PPM1B: variants seen among roughly 807,000 people sequenced by gnomAD.
PPM1B encodes protein phosphatase 1B.
Under a neutral mutation model 43.0 loss-of-function variants are expected in PPM1B, and 22 were observed. The observed-to-expected ratio is 0.51, with a 90% confidence interval of 0.37 to 0.73. The LOEUF (loss-of-function observed/expected upper bound fraction) is 0.73, where lower values mean the gene tolerates loss of function less well. Among genes scored for constraint, PPM1B ranks in the 30% least tolerant of loss-of-function variants. The probability of loss-of-function intolerance (pLI) is 0.00; values close to 1 mark genes in which losing one functional copy is unlikely to be tolerated. For synonymous variants in PPM1B, 217 were observed against 197.9 expected, an observed-to-expected ratio of 1.10 and a Z score of -0.81; for missense variants, 632 against 584.2, an observed-to-expected ratio of 1.08 and a Z score of -0.84.
At position 44,170,338 on chromosome 2, in the gene PPM1B, T is replaced by G. The variant is rs542472348; in HGVS notation, c.-15+1064T>G. On this transcript the variant is annotated intron_variant, in intron 1 of 5. Coordinates refer to ENST00000282412, the MANE Select transcript of PPM1B (RefSeq NM_002706.6). ...TTTAAAATAGGCTCCACATGTTTAA[T>G]GTATCAAAATAAAGTTGGCAGGCAT... Among the ~76,000 whole-genome samples, 3 of 152,378 alleles carry G rather than the reference T, an allele frequency of 2.0e-5. No individual in the cohort carries two copies. In the East Asian group the frequency reaches 5.8e-4, roughly 29 times the overall value.
At chr2:44,229,648 G>T (rs559739662) in intron 5 of PPM1B, among the ~76,000 whole-genome samples, 2 of 152,210 alleles carry the variant, frequency 1.3e-5, no homozygotes, top group East Asian at 1.9e-4. Flanking sequence ...GGACATGACT[G>T]TACTTTATAA....
chr2:44,184,481 TA>T (rs1668030350), intron 1 of PPM1B, among the ~76,000 whole-genome samples: 1 of 152,184 alleles, frequency 6.6e-6, no homozygotes, highest in African/African-American at 2.4e-5. Flanking sequence ...AAATTATATT[TA>T]CTCTGTTCTC....
At position 44,216,344 on chromosome 2, in the gene PPM1B, A is replaced by G. The variant is rs552297741; in HGVS notation, c.965-1623A>G. 7.2e-5 allele frequency among the ~76,000 whole-genome samples: 11 copies of G among 152,288 alleles called. No individual in the cohort carries two copies. The South Asian group carries it at 2.3e-3, about 32-fold the overall frequency. Reference sequence around the variant, plus strand: ...GATGCTGCTTAATATTCCACAGCACACAGGACAGCCCCCACAACAAAAAAA... The same window carrying G: ...GATGCTGCTTAATATTCCACAGCACGCAGGACAGCCCCCACAACAAAAAAA... On this transcript the variant is annotated intron_variant, in intron 3 of 5. Transcript: ENST00000282412.
intron 5 of PPM1B, among the ~76,000 whole-genome samples, chr2:44,239,973 C>G (rs1670711954): frequency 8.9e-6 from 1 of 112,550 alleles, no homozygotes; most frequent in Non-Finnish European, 2.1e-5. Flanking sequence ...TGACATCTAG[C>G]AGGTATACAT....
At chr2:44,227,695 T>C (rs1670280399) in intron 5 of PPM1B, among the ~76,000 whole-genome samples, 1 of 151,398 alleles carries the variant, frequency 6.6e-6, no homozygotes, top group Non-Finnish European at 1.5e-5. Context: ...AATTTTTGTA[T>C]TTTTAGTAGA....
At chr2:44,211,880 G>C (rs1363747777) in intron 3 of PPM1B, among the ~76,000 whole-genome samples, 1 of 151,516 alleles carries the variant, frequency 6.6e-6, no homozygotes, top group African/African-American at 2.4e-5. Flanking sequence ...CTTCTGAGTA[G>C]CTGGGATTAC....
chr2:44,226,114 G>A (rs550577211), intron 5 of PPM1B, among the ~76,000 whole-genome samples: 9 of 151,104 alleles, frequency 6.0e-5, no homozygotes, highest in Admixed American at 1.3e-4. Flanking sequence ...TAGCTGGGAC[G>A]ACAGGTGCCC....
chr2:44,218,061 G>A lies in PPM1B; in HGVS notation c.1059G>A (p.Gly353=). 1 of 1,612,086 alleles carries A rather than the reference G, an allele frequency of 6.2e-7. No homozygotes were observed. Among genetic ancestry groups the A allele is most frequent in the Non-Finnish European group, 8.5e-7 (1 of 1,179,018 alleles). ...AAAATATCCCAAATTTGCCTCCTGG[G>A]GGAGGTCTTGCTGGCAAGTAAGTAG... ...SAENIPNLPP[G]GGLAGKRNVI... is the part of the protein sequence containing the mutation. Residue 353 remains glycine (G), a synonymous_variant, in exon 4 of 6, where the codon GGG becomes GGA. Transcript: ENST00000282412.
chr2:44,205,770 C>T (rs184926752), intron 2 of PPM1B, among the ~76,000 whole-genome samples: 3 of 152,136 alleles, frequency 2.0e-5, no homozygotes, highest in Admixed American at 1.3e-4. Flanking sequence ...ATACCATCTA[C>T]CAGAAGCCTA....
At chr2:44,232,484 T>G, downstream of PPM1B, 1 of 1,511,000 alleles carries the variant, frequency 6.6e-7, no homozygotes, top group South Asian at 1.4e-5. Flanking sequence ...TCATTAGCAT[T>G]TCCCATCATT....
chr2:44,236,516 T>C (rs911848257), downstream of PPM1B, among the ~76,000 whole-genome samples: 27 of 151,982 alleles, frequency 1.8e-4, no homozygotes, highest in Non-Finnish European at 4.0e-4. Flanking sequence ...TAAAATGGTT[T>C]TTAATAACAG....
downstream of PPM1B, chr2:44,233,002 G>T (rs1670512660): frequency 1.0e-6 from 1 of 981,540 alleles, no homozygotes. Context: ...TGTATCTACT[G>T]CATCCTTCAA....
chr2:44,220,064 G>A (rs1669902315), intron 5 of PPM1B, among the ~76,000 whole-genome samples: 2 of 152,204 alleles, frequency 1.3e-5, no homozygotes, highest in African/African-American at 2.4e-5. Flanking sequence ...TGACTAAAAG[G>A]ATGGTGGTAA....
chr2:44,175,665 T>C (rs953545106), intron 1 of PPM1B, among the ~76,000 whole-genome samples: 1 of 152,198 alleles, frequency 6.6e-6, no homozygotes, highest in Non-Finnish European at 1.5e-5. Context: ...AAGCTGTGAT[T>C]AGAGCTTTAC....
chr2:44,209,160 A>C (rs1558415297), intron 2 of PPM1B, 50 bp from the exon 3 acceptor site: 1 of 1,425,970 alleles, frequency 7.0e-7, no homozygotes, highest in Non-Finnish European at 9.5e-7. Flanking sequence ...AGTAAATAAT[A>C]GTTGATTGTA....
intron 1 of PPM1B, among the ~76,000 whole-genome samples, chr2:44,177,275 A>G (rs749882254): frequency 6.6e-6 from 1 of 152,164 alleles, no homozygotes; most frequent in African/African-American, 2.4e-5. Flanking sequence ...TAAAAAAATT[A>G]TCTCTTGTAA....
intron 3 of PPM1B, among the ~76,000 whole-genome samples, chr2:44,214,198 G>C (rs1318200325): frequency 6.6e-6 from 1 of 152,128 alleles, no homozygotes; most frequent in Non-Finnish European, 1.5e-5. Context: ...TTCTGCCTCA[G>C]CCTCCGAAGT....
chr2:44,185,776 G>C (rs1401187880), intron 1 of PPM1B, among the ~76,000 whole-genome samples: 1 of 152,084 alleles, frequency 6.6e-6, no homozygotes, highest in African/African-American at 2.4e-5. Flanking sequence ...ATTGGACCTG[G>C]GTGTGGTCAA....
chr2:44,238,254 A>T (rs1670670477), downstream of PPM1B, among the ~76,000 whole-genome samples: 1 of 152,180 alleles, frequency 6.6e-6, no homozygotes, highest in South Asian at 2.1e-4. Flanking sequence ...GATATAGAGT[A>T]CCATGGGGTT....
Sources: gnomAD v4.1 joint callset for allele counts (sites outside exome capture counted in the v4.1 genomes callset) on GRCh38, gnomAD v4.1.1 for gene constraint, MANE v1.5 for transcripts, NCBI Gene and HGNC (gene_info 2026-07-23, HGNC 2026-07-21) for gene names.